Variants in KIF26B observed in about 807,000 individuals in gnomAD.
The protein encoded by KIF26B is kinesin-like protein KIF26B.
In KIF26B, 63 loss-of-function variants were observed where a neutral mutation model predicts 151.2. The ratio of observed to expected loss-of-function variants is 0.42; its 90% CI spans 0.34 to 0.51. The LOEUF (loss-of-function observed/expected upper bound fraction) is 0.51, where lower values mean the gene tolerates loss of function less well. Ranked by LOEUF, KIF26B falls within the 20% of genes least tolerant of loss-of-function variation. The pLI, the probability that KIF26B is intolerant of heterozygous loss-of-function variation, is 0.07. For missense variants in KIF26B, 2,813 were observed against 2,913.6 expected (o/e 0.97, Z 0.79); for synonymous variants, 1,357 against 1,262.1 (o/e 1.08, Z -1.59).
chr1:245,377,904 G>A (rs77015534), intron 3 of KIF26B, among the ~76,000 whole-genome samples: 4,539 of 152,270 alleles, frequency 0.03, 230 homozygotes, highest in African/African-American at 0.1. Flanking sequence ...CTGGAGGGGA[G>A]CCTCTCAAGA....
intron 2 of KIF26B, among the ~76,000 whole-genome samples, chr1:245,168,881 G>T (rs2365082): frequency 0.87 from 132,605 of 152,224 alleles, 58,972 homozygotes; most frequent in East Asian, 0.98. Flanking sequence ...AGTTATCATC[G>T]ATTTTTATTT....
At chr1:245,531,719 A>G (rs1661365435) in intron 4 of KIF26B, among the ~76,000 whole-genome samples, 1 of 152,238 alleles carries the variant, frequency 6.6e-6, no homozygotes, top group African/African-American at 2.4e-5. Flanking sequence ...TGAACAGTGC[A>G]GTGATGGTGG....
At chr1:245,187,048 G>A (rs1297155815) in intron 2 of KIF26B, among the ~76,000 whole-genome samples, 2 of 152,026 alleles carry the variant, frequency 1.3e-5, no homozygotes, top group South Asian at 2.1e-4. Flanking sequence ...GTAGAGACAG[G>A]GTTTCACCAT....
intron 3 of KIF26B, among the ~76,000 whole-genome samples, chr1:245,403,794 T>C (rs1674066870): frequency 6.6e-6 from 1 of 152,228 alleles, no homozygotes. Flanking sequence ...TAATACTTAC[T>C]CTAAGGGTAC....
chr1:245,583,640 G>A lies in KIF26B; in HGVS notation c.1351-18937G>A, dbSNP rs911946036. ...CAATGCTGCCGGAGGACCTGTTGCCGTCTGGGCTGTATTGTAGGTGGGTGG... is the reference window on the plus strand; with the variant it reads ...CAATGCTGCCGGAGGACCTGTTGCCATCTGGGCTGTATTGTAGGTGGGTGG... On this transcript the variant is annotated intron_variant, in intron 5 of 14. Coordinates refer to ENST00000407071, the MANE Select transcript of KIF26B (RefSeq NM_018012.4). Among the ~76,000 whole-genome samples, 8 of 152,210 alleles carry A rather than the reference G, an allele frequency of 5.3e-5. No homozygotes were observed. The East Asian group carries it at 9.6e-4, about 18-fold the overall frequency.
At chr1:245,461,744 A>G (rs532932760) in intron 4 of KIF26B, among the ~76,000 whole-genome samples, 92 of 152,324 alleles carry the variant, frequency 6.0e-4, no homozygotes, top group African/African-American at 1.9e-3. Flanking sequence ...ATGGCTAAGC[A>G]GCGCACTCTC....
chr1:245,512,847 A>C lies in KIF26B; in HGVS notation c.1167-27920A>C, dbSNP rs902494185. Among the ~76,000 whole-genome samples the C allele has an allele frequency of 3.9e-5, 6 of 152,178 alleles. No individual in the cohort carries two copies. The highest frequency in any genetic ancestry group is 3.3e-4 in the Admixed American group (5 of 15,284). ...TGCATCTGGAAGAGGCTTGAAGCAG[A>C]GTGGAAAACCTAGAGCAAAAATCAT... On this transcript the variant is annotated intron_variant, in intron 4 of 14. Transcript: ENST00000407071. This position sits in a 1 kb window ranked among gnomAD's most constrained non-coding sequence, Gnocchi z 4.3.
intron 5 of KIF26B, among the ~76,000 whole-genome samples, chr1:245,552,802 G>A (rs886393541): frequency 3.3e-5 from 5 of 152,066 alleles, no homozygotes; most frequent in African/African-American, 2.4e-5. Context: ...GTTTTACCAC[G>A]TTGGCCAGGC....
intron 10 of KIF26B, among the ~76,000 whole-genome samples, chr1:245,671,468 G>A (rs2044285488): frequency 6.6e-6 from 1 of 152,162 alleles, no homozygotes; most frequent in Non-Finnish European, 1.5e-5. Flanking sequence ...GTGGTTACCG[G>A]GGGCCGGGGG....
At position 245,227,593 on chromosome 1, in the gene KIF26B, T is replaced by C. The variant is rs1669901402; in HGVS notation, c.465+70910T>C. On this transcript the variant is annotated intron_variant, in intron 2 of 14. Coordinates refer to ENST00000407071, the MANE Select transcript of KIF26B (RefSeq NM_018012.4). The surrounding 1 kb of genome is among the most constrained non-coding windows in gnomAD (Gnocchi z 4.1). ...GTGTGGAATTTAAAACTTGTAATGA[T>C]AGGAGAAGGGAAGAACACAGTTACA... Among the ~76,000 whole-genome samples, 2 of 152,276 alleles carry C rather than the reference T, an allele frequency of 1.3e-5. No individual in the cohort carries two copies. The highest frequency in any genetic ancestry group is 2.1e-4 in the South Asian group (1 of 4,820).
rs891727220 is a variant in KIF26B at position 245,572,356 on chromosome 1, C to G, written c.1351-30221C>G. On this transcript the variant is annotated intron_variant, in intron 5 of 14. Coordinates refer to ENST00000407071, the MANE Select transcript of KIF26B (RefSeq NM_018012.4). This position sits in a 1 kb window ranked among gnomAD's most constrained non-coding sequence, Gnocchi z 4.2. ...CATTGAGGTTCTGGGGGATTCATCA[C>G]TTAGCTCCCAACTCTTATTGGGAGC... Among the ~76,000 whole-genome samples, 1 of 152,120 alleles carries G rather than the reference C, an allele frequency of 6.6e-6. No individual in the cohort carries two copies. The highest frequency in any genetic ancestry group is 2.4e-5 in the African/African-American group (1 of 41,426).
intron 4 of KIF26B, among the ~76,000 whole-genome samples, chr1:245,537,872 C>T (rs113779761): frequency 2.0e-4 from 31 of 152,162 alleles, no homozygotes; most frequent in African/African-American, 7.2e-4. Context: ...GGGATCTAAG[C>T]TGGAAATAAA....
intron 2 of KIF26B, among the ~76,000 whole-genome samples, chr1:245,355,996 C>T (rs575670845): frequency 7.9e-5 from 12 of 152,216 alleles, no homozygotes; most frequent in Admixed American, 2.0e-4. Context: ...CCTGGGTGCT[C>T]GTCAGCACGC....
chr1:245,483,864 G>C (rs187125372), intron 4 of KIF26B, among the ~76,000 whole-genome samples: 2 of 151,950 alleles, frequency 1.3e-5, no homozygotes, highest in East Asian at 3.9e-4. Context: ...TGTAGCGAAG[G>C]CTTCTCCTCG....
rs543937563 is a variant in KIF26B, at chr1:245,222,023, G to A, written c.465+65340G>A. ...CAGAGAGGGAAACAGTCATTCTCCCGAGCTGTGAAGAGTGCAACTCTAGAG... is the reference window on the plus strand; with the variant it reads ...CAGAGAGGGAAACAGTCATTCTCCCAAGCTGTGAAGAGTGCAACTCTAGAG... On this transcript the variant is annotated intron_variant, in intron 2 of 14. Transcript: ENST00000407071. 2.0e-5 allele frequency among the ~76,000 whole-genome samples: 3 copies of A among 152,296 alleles called. No homozygotes were observed. The South Asian group carries it at 6.2e-4, about 32-fold the overall frequency.
intron 3 of KIF26B, among the ~76,000 whole-genome samples, chr1:245,387,434 GATTACAGGCATTAGCC>G (rs1558146576): frequency 6.6e-6 from 1 of 152,166 alleles, no homozygotes; most frequent in Non-Finnish European, 1.5e-5. Context: ...AAAGTCCTGG[GATTACAGGCATTAGCC>G]ACTATGCCCG....
intron 2 of KIF26B, among the ~76,000 whole-genome samples, chr1:245,335,662 C>A (rs985577672): frequency 6.8e-6 from 1 of 148,046 alleles, no homozygotes; most frequent in Admixed American, 6.8e-5. Context: ...AAAGGGGGGT[C>A]CCACGCGGGG....
intron 5 of KIF26B, among the ~76,000 whole-genome samples, chr1:245,580,685 A>T (rs1317725789): frequency 6.6e-6 from 1 of 152,202 alleles, no homozygotes; most frequent in Non-Finnish European, 1.5e-5. Context: ...TCTGGAGGGC[A>T]CGGAGGAAAA....
chr1:245,467,261 A>G (rs1170969472), intron 4 of KIF26B, among the ~76,000 whole-genome samples: 1 of 152,212 alleles, frequency 6.6e-6, no homozygotes, highest in Admixed American at 6.5e-5. Flanking sequence ...GATGAGGAAA[A>G]AAGTGGCACC....
Sources: allele counts gnomAD v4.1 joint callset (sites outside exome capture counted in the v4.1 genomes callset), GRCh38; gene constraint gnomAD v4.1.1; non-coding constraint Gnocchi (gnomAD v3.1); transcripts MANE v1.5; gene names NCBI Gene and HGNC (gene_info 2026-07-23, HGNC 2026-07-21).